Variants in SHISAL2B observed in about 807,000 individuals in gnomAD.
SHISAL2B encodes the protein protein shisa-like-2B.
In SHISAL2B, 12 loss-of-function variants were observed where a neutral mutation model predicts 16.5. The observed-to-expected ratio is 0.73, with a 90% confidence interval of 0.47 to 1.18. The LOEUF is 1.18. SHISAL2B is among the 50% of genes most tolerant of loss of function. The pLI, the probability that SHISAL2B is intolerant of heterozygous loss-of-function variation, is 0.00. For synonymous variants in SHISAL2B, 72 were observed against 75.0 expected (o/e 0.96, Z 0.21); for missense variants, 183 against 193.6 (o/e 0.95, Z 0.33).
At chr5:64,702,079 A>G (rs553662775) in intron 2 of SHISAL2B, among the ~76,000 whole-genome samples, 5 of 152,328 alleles carry the variant, frequency 3.3e-5, no homozygotes, top group African/African-American at 9.6e-5. Context: ...TCCCCTCACC[A>G]AAAGATATAA....
In SHISAL2B at chr5:64,695,581, G is replaced by C; in HGVS notation, c.266G>C (p.Cys89Ser). The part of the protein sequence containing the change: ...LAFVISVCVL[C>S]YLFLYTKPQR... ...TTTGTCATCAGTGTCTGTGTCCTTTGCTATTTATTTCTGTATACGAAACCT... is the reference window on the plus strand; with the variant it reads ...TTTGTCATCAGTGTCTGTGTCCTTTCCTATTTATTTCTGTATACGAAACCT... Residue 89 changes from cysteine to serine, a missense_variant, in exon 2 of 3, where the codon TGC becomes TCC. By Grantham distance (112) the Cys-to-Ser change is moderately radical (BLOSUM62 -1). Transcript: ENST00000389074. 6.5e-7 allele frequency: 1 copy of C among 1,536,646 alleles called. No individual in the cohort carries two copies. The highest frequency in any genetic ancestry group is 1.7e-4 in the Middle Eastern group (1 of 5,990).
chr5:64,713,830 A>C (rs1161215020), intron 2 of SHISAL2B, among the ~76,000 whole-genome samples: 1 of 112,152 alleles, frequency 8.9e-6, no homozygotes, highest in Non-Finnish European at 1.7e-5. Context: ...AGTTGATCGC[A>C]TTGGCTCCTG....
Position 64,695,529 on chromosome 5 carries a change from G to C in SHISAL2B, c.214G>C (p.Gly72Arg). 6.5e-7 allele frequency: 1 copy of C among 1,535,074 alleles called. No individual in the cohort carries two copies. ...CAGCATTGGTGCCTTGATTGGACTA[G>C]GAATTGCTGCCCTTGTTTTACTCGC... ...SLSIGALIGL[G>R]IAALVLLAFV... Residue 72 changes from glycine (G) to arginine (R), a missense_variant, in exon 2 of 3, where the codon GGA becomes CGA. Gly to Arg is a moderately radical substitution (Grantham distance 125). Transcript: ENST00000389074.
At position 64,718,030 on chromosome 5, in the gene SHISAL2B, TTC is replaced by T; in HGVS notation, c.*10_*11del. 3 of 1,494,928 alleles carry T rather than the reference TTC, an allele frequency of 2.0e-6. No homozygotes were observed. Among genetic ancestry groups the T allele is most frequent in the South Asian group, 1.3e-5 (1 of 75,734 alleles). The allele number at this position is 1,494,928 out of a possible 1,614,324, so 92.6% of individuals were successfully genotyped here. On this transcript the variant is annotated 3_prime_UTR_variant, in exon 3 of 3. Transcript: ENST00000389074. ...ATCCACATTGCTTATTAACTAAAAA[TTC>T]TGTGTTTTAAATGCTTACTGGAGAG...
At chr5:64,706,111 G>T (rs1417830104) in intron 2 of SHISAL2B, among the ~76,000 whole-genome samples, 1 of 152,206 alleles carries the variant, frequency 6.6e-6, no homozygotes, top group Non-Finnish European at 1.5e-5. Flanking sequence ...AGTGAGCCGA[G>T]ATTGCACCAC....
At chr5:64,696,694 G>A (rs1741741524) in intron 2 of SHISAL2B, among the ~76,000 whole-genome samples, 1 of 152,062 alleles carries the variant, frequency 6.6e-6, no homozygotes, top group Non-Finnish European at 1.5e-5. Context: ...TTAGGGTGAG[G>A]AAAAAACCCC....
At chr5:64,713,078 CATT>C (rs1741982192) in intron 2 of SHISAL2B, among the ~76,000 whole-genome samples, 1 of 147,674 alleles carries the variant, frequency 6.8e-6, no homozygotes, top group Non-Finnish European at 1.5e-5. Context: ...TTGATCCTGT[CATT>C]ATGATGTTAG....
At chr5:64,696,405 A>G (rs1741735614) in intron 2 of SHISAL2B, among the ~76,000 whole-genome samples, 1 of 152,216 alleles carries the variant, frequency 6.6e-6, no homozygotes, top group African/African-American at 2.4e-5. Flanking sequence ...GTGATTTTTC[A>G]GAGAACAAGG....
At chr5:64,709,724 G>T (rs959301306) in intron 2 of SHISAL2B, among the ~76,000 whole-genome samples, 1 of 150,234 alleles carries the variant, frequency 6.7e-6, no homozygotes, top group African/African-American at 2.5e-5. Flanking sequence ...TTTAATGATT[G>T]CCATTCTAAC....
chr5:64,708,264 G>A (rs1472037506), intron 2 of SHISAL2B, among the ~76,000 whole-genome samples: 1 of 152,078 alleles, frequency 6.6e-6, no homozygotes, highest in Non-Finnish European at 1.5e-5. Context: ...AGCCAAATAT[G>A]TCTCTTTTGC....
chr5:64,696,631 G>A (rs1418868712), intron 2 of SHISAL2B, among the ~76,000 whole-genome samples: 1 of 152,148 alleles, frequency 6.6e-6, no homozygotes, highest in Non-Finnish European at 1.5e-5. Flanking sequence ...GTCTTATGTG[G>A]TTGAGATAAG....
chr5:64,696,517 T>C (rs1393562125), intron 2 of SHISAL2B, among the ~76,000 whole-genome samples: 1 of 152,162 alleles, frequency 6.6e-6, no homozygotes, highest in Non-Finnish European at 1.5e-5. Context: ...GTAGGGAAGA[T>C]CTCACTGAAT....
intron 2 of SHISAL2B, among the ~76,000 whole-genome samples, chr5:64,696,536 T>G (rs1034791379): frequency 6.6e-6 from 1 of 152,166 alleles, no homozygotes; most frequent in African/African-American, 2.4e-5. Context: ...ATTCTTTTCC[T>G]GGCAAGGAAT....
At position 64,690,778 on chromosome 5, in the gene SHISAL2B, A is replaced by G; in HGVS notation, c.155A>G (p.Tyr52Cys). Residue 52 changes from tyrosine to cysteine, a missense_variant, in exon 1 of 3, where the codon TAC becomes TGC. Coordinates refer to ENST00000389074, the MANE Select transcript of SHISAL2B (RefSeq NM_001164442.2). ...LKYCCSEPGS[Y>C]FPYKHSYMWS... is the part of the protein sequence containing the mutation. ...TACTGCTGCAGCGAGCCGGGCAGCT[A>G]CTTCCCCTACAAGCACAGCTACATG... 6.5e-7 allele frequency: 1 copy of G among 1,544,388 alleles called. No homozygotes were observed.
chr5:64,713,062 G>C (rs1050219380), intron 2 of SHISAL2B, among the ~76,000 whole-genome samples: 22 of 150,146 alleles, frequency 1.5e-4, no homozygotes, highest in African/African-American at 5.4e-4. Context: ...ATTGTTATGT[G>C]TGAATTTGAT....
intron 2 of SHISAL2B, among the ~76,000 whole-genome samples, chr5:64,715,390 T>C (rs561009323): frequency 6.6e-6 from 1 of 152,240 alleles, no homozygotes; most frequent in Admixed American, 6.5e-5. Flanking sequence ...TCTTGACTAA[T>C]GGACTTCCCC....
At chr5:64,697,703 A>T (rs183127017) in intron 2 of SHISAL2B, among the ~76,000 whole-genome samples, 1 of 152,190 alleles carries the variant, frequency 6.6e-6, no homozygotes, top group African/African-American at 2.4e-5. Context: ...GGATTTATGT[A>T]TGTATTTAGA....
intron 2 of SHISAL2B, among the ~76,000 whole-genome samples, chr5:64,698,226 C>T (rs985246674): frequency 1.3e-5 from 2 of 152,194 alleles, no homozygotes; most frequent in Admixed American, 6.5e-5. Flanking sequence ...AAACAAGTAG[C>T]TCCTCTTTCT....
chr5:64,690,768 C>A lies in SHISAL2B; in HGVS notation c.145C>A (p.Pro49Thr). Residue 49 changes from proline to threonine, a missense_variant, in exon 1 of 3, where the codon CCG (proline) becomes ACG (threonine). Pro to Thr is a conservative substitution (Grantham distance 38). Transcript: ENST00000389074. ...FADLKYCCSE[P>T]GSYFPYKHSY... ...CGACCTCAAGTACTGCTGCAGCGAG[C>A]CGGGCAGCTACTTCCCCTACAAGCA... is the stretch of plus-strand genomic sequence containing the variant. The A allele has an allele frequency of 6.5e-7, 1 of 1,544,050 alleles. No homozygotes were observed.
Sources: allele counts gnomAD v4.1 joint callset (sites outside exome capture counted in the v4.1 genomes callset), GRCh38; gene constraint gnomAD v4.1.1; transcripts MANE v1.5; gene names NCBI Gene and HGNC (gene_info 2026-07-23, HGNC 2026-07-21).